The following DNAL1 variants were observed in gnomAD, a reference collection of about 807,000 sequenced individuals.
The protein encoded by DNAL1 is chromosome 14 open reading frame 168.
DNAL1 carries 17 observed loss-of-function variants against 29.4 expected under a neutral mutation model. The observed-to-expected ratio is 0.58, with a 90% CI of 0.40 to 0.87. The LOEUF (loss-of-function observed/expected upper bound fraction) is 0.87, where lower values mean the gene tolerates loss of function less well. DNAL1 is among the 40% of genes least tolerant of loss of function. The pLI is 0.00. For missense variants in DNAL1, 188 were observed against 214.1 expected (o/e 0.88, Z 0.76); for synonymous variants, 78 against 76.3 (o/e 1.02, Z -0.12).
intron 1 of DNAL1, among the ~76,000 whole-genome samples, chr14:73,651,723 C>G (rs1029340315): frequency 3.3e-5 from 5 of 152,180 alleles, no homozygotes; most frequent in Non-Finnish European, 7.3e-5. Flanking sequence ...ATGCCGCAAT[C>G]TCGGCTCATT....
chr14:73,690,770 G>A (rs1201817172), intron 7 of DNAL1, among the ~76,000 whole-genome samples: 1 of 152,040 alleles, frequency 6.6e-6, no homozygotes, highest in Non-Finnish European at 1.5e-5. Flanking sequence ...ATTTAAGCAA[G>A]TTTAAAAAAT....
At chr14:73,679,410 C>T (rs1232482997) in intron 5 of DNAL1, among the ~76,000 whole-genome samples, 3 of 152,068 alleles carry the variant, frequency 2.0e-5, no homozygotes, top group Non-Finnish European at 4.4e-5. Context: ...AAAATGCACT[C>T]ATGTTTGTAG....
At chr14:73,663,870 CTGTT>C (rs1454299547) in intron 4 of DNAL1, among the ~76,000 whole-genome samples, 1 of 152,214 alleles carries the variant, frequency 6.6e-6, no homozygotes, top group Non-Finnish European at 1.5e-5. Context: ...ACCTCTGTAG[CTGTT>C]TGAGTAACTT....
At chr14:73,667,699 C>G (rs532444345) in intron 4 of DNAL1, among the ~76,000 whole-genome samples, 26 of 152,124 alleles carry the variant, frequency 1.7e-4, no homozygotes, top group African/African-American at 6.3e-4. Flanking sequence ...TTGGGGTCTC[C>G]CCATGTTGCC....
intron 5 of DNAL1, among the ~76,000 whole-genome samples, chr14:73,676,248 T>A (rs1269141436): frequency 7.8e-4 from 113 of 145,504 alleles, no homozygotes; most frequent in Admixed American, 2.2e-3. Flanking sequence ...AAAAAAAAAA[T>A]TTTTTTTTTA....
At chr14:73,689,629 T>G in intron 7 of DNAL1, 114 bp downstream of exon 7, 1 of 1,449,872 alleles carries the variant, frequency 6.9e-7, no homozygotes, top group Non-Finnish European at 9.4e-7. Flanking sequence ...ATCTTCCAGG[T>G]CATTTCTATC....
Position 73,702,935 on chromosome 14 carries a change from C to T in DNAL1, c.*6993C>T, listed in dbSNP as rs1467313737. The T allele has an allele frequency of 6.6e-6, 1 of 150,974 alleles. No homozygotes were observed. The highest frequency in any genetic ancestry group is 1.5e-5 in the Non-Finnish European group (1 of 67,840). The allele number at this position is 150,974 out of a possible 1,614,324, so 9.4% of individuals were successfully genotyped here. The stretch of plus-strand genomic sequence containing the variant: ...GACCAGCCTAGGCAACATCGTGAGA[C>T]CCCATCTCTACAAAAAAAAAAAAAG... On this transcript the variant is annotated 3_prime_UTR_variant, in exon 8 of 8. Transcript: ENST00000553645.
rs867930153 is a variant in DNAL1 at position 73,698,064 on chromosome 14, G to T, written c.*2122G>T. On this transcript the variant is annotated 3_prime_UTR_variant, in exon 8 of 8. Transcript: ENST00000553645. Reference sequence around the variant, plus strand: ...GAAGTGAATATAATAGGAAGTAAGTGATTTCATATTGAATTTATTTGTAAA... The same window carrying T: ...GAAGTGAATATAATAGGAAGTAAGTTATTTCATATTGAATTTATTTGTAAA... The T allele has an allele frequency of 4.1e-4, 63 of 152,286 alleles. No individual in the cohort carries two copies. The highest frequency in any genetic ancestry group is 1.4e-3 in the African/African-American group (58 of 41,552). The allele number at this position is 152,286 out of a possible 1,614,324, so 9.4% of individuals were successfully genotyped here. A position where few individuals can be genotyped will look rare whatever the true frequency, so the allele number is the denominator to read the frequency against.
rs983359976 is a variant in DNAL1 at position 73,674,512 on chromosome 14, A to G, written c.264+2915A>G. ...ATGTTGCCTCCTCAAAGGTGACCCA[A>G]TCACCGTATATCTAAAGCAGCTCTC... On this transcript the variant is annotated intron_variant, in intron 5 of 7. Coordinates refer to ENST00000553645, the MANE Select transcript of DNAL1 (RefSeq NM_031427.4). Among the ~76,000 whole-genome samples, 3 of 152,052 alleles carry G rather than the reference A, an allele frequency of 2.0e-5. No individual in the cohort carries two copies. The East Asian group carries it at 5.8e-4, about 29-fold the overall frequency.
chr14:73,678,143 C>T (rs955581279), intron 5 of DNAL1, among the ~76,000 whole-genome samples: 1 of 151,898 alleles, frequency 6.6e-6, no homozygotes, highest in Non-Finnish European at 1.5e-5. Flanking sequence ...AGCAATCTGC[C>T]CATGTCGGCC....
At chr14:73,661,531 G>A (rs1891358082) in intron 3 of DNAL1, among the ~76,000 whole-genome samples, 2 of 152,162 alleles carry the variant, frequency 1.3e-5, no homozygotes, top group Non-Finnish European at 2.9e-5. Flanking sequence ...GATCACTTGA[G>A]GTCAGGAGTT....
intron 5 of DNAL1, among the ~76,000 whole-genome samples, chr14:73,681,965 A>T (rs1323052101): frequency 2.6e-5 from 4 of 151,494 alleles, no homozygotes; most frequent in Non-Finnish European, 2.9e-5. Flanking sequence ...ATACAAAATT[A>T]GCCAGGCGTG....
intron 3 of DNAL1, among the ~76,000 whole-genome samples, chr14:73,661,217 G>A (rs1891348329): frequency 1.3e-5 from 2 of 152,102 alleles, no homozygotes; most frequent in African/African-American, 4.8e-5. Flanking sequence ...ATGTATCATA[G>A]ACATCTTCCC....
rs758013060 is a variant in DNAL1 at position 73,701,180 on chromosome 14, C to A, written c.*5238C>A. On this transcript the variant is annotated 3_prime_UTR_variant, in exon 8 of 8. Coordinates refer to ENST00000553645, the MANE Select transcript of DNAL1 (RefSeq NM_031427.4). Reference sequence around the variant, plus strand: ...ATTGGGCAGTTTAGAGGAGACCCAGCCAACCAAATTATGATCTAGCAAATT... The same window carrying A: ...ATTGGGCAGTTTAGAGGAGACCCAGACAACCAAATTATGATCTAGCAAATT... 8 of 152,146 alleles carry A rather than the reference C, an allele frequency of 5.3e-5. No individual in the cohort carries two copies. The highest frequency in any genetic ancestry group is 1.0e-4 in the Non-Finnish European group (7 of 68,012). 9.4% of individuals were successfully genotyped at this position (152,146 alleles called of 1,614,324 possible).
chr14:73,683,599 T>C (rs1417346219), intron 5 of DNAL1, among the ~76,000 whole-genome samples: 2 of 152,070 alleles, frequency 1.3e-5, no homozygotes, highest in African/African-American at 2.4e-5. Flanking sequence ...TACCAACTTA[T>C]TCCCATCCTC....
intron 5 of DNAL1, among the ~76,000 whole-genome samples, chr14:73,678,156 C>G (rs2140049302): frequency 6.6e-6 from 1 of 152,108 alleles, no homozygotes; most frequent in East Asian, 1.9e-4. Flanking sequence ...TGTCGGCCTC[C>G]CAAAGTGCTT....
At chr14:73,688,829 TA>T (rs751584893) in intron 6 of DNAL1, among the ~76,000 whole-genome samples, 8 of 152,128 alleles carry the variant, frequency 5.3e-5, no homozygotes, top group Non-Finnish European at 1.0e-4. Flanking sequence ...ATTTCATCCT[TA>T]TGCTAGCATT....
At chr14:73,675,584 AGGCGTGAGCCACTGTGAG>A (rs956873181) in intron 5 of DNAL1, among the ~76,000 whole-genome samples, 2 of 152,056 alleles carry the variant, frequency 1.3e-5, no homozygotes, top group African/African-American at 4.8e-5. Flanking sequence ...CCAGAATTAC[AGGCGTGAGCCACTGTGAG>A]GGCCTGGCCA....
chr14:73,677,961 A>G (rs1891786839), intron 5 of DNAL1, among the ~76,000 whole-genome samples: 1 of 147,660 alleles, frequency 6.8e-6, no homozygotes, highest in South Asian at 2.1e-4. Context: ...CAGTGACACA[A>G]TCTCAGCTCA....
Sources: gnomAD v4.1 joint callset for allele counts (sites outside exome capture counted in the v4.1 genomes callset) on GRCh38, gnomAD v4.1.1 for gene constraint, MANE v1.5 for transcripts, NCBI Gene and HGNC (gene_info 2026-07-23, HGNC 2026-07-21) for gene names.